CDH18: variants seen among roughly 807,000 people sequenced by gnomAD.
CDH18 encodes the protein cadherin 18.
In CDH18, 31 loss-of-function variants were observed where a neutral mutation model predicts 67.9. The observed-to-expected ratio is 0.46, with a 90% CI of 0.34 to 0.62. CDH18 has a LOEUF of 0.62. Ranked by LOEUF, CDH18 falls within the 20% of genes least tolerant of loss-of-function variation. The pLI is 0.01. For synonymous variants in CDH18, 362 were observed against 347.2 expected (o/e 1.04, Z -0.48); for missense variants, 890 against 975.5 (o/e 0.91, Z 1.17).
At chr5:19,910,621 A>T (rs887781636) in intron 2 of CDH18, among the ~76,000 whole-genome samples, 4 of 152,170 alleles carry the variant, frequency 2.6e-5, no homozygotes, top group African/African-American at 7.2e-5. Context: ...GAAACAAAAT[A>T]AGTACTCTAA....
chr5:19,761,650 A>C (rs1440008254), intron 3 of CDH18, among the ~76,000 whole-genome samples: 3 of 152,218 alleles, frequency 2.0e-5, no homozygotes, highest in Non-Finnish European at 4.4e-5. Context: ...CAATGTCATG[A>C]AAATGGTCAT....
rs1746751008 is a variant in CDH18, at chr5:19,520,670, G to T, written c.1499C>A (p.Ser500Tyr). Reference sequence around the variant, plus strand: ...CAATTAACTTACCTGGCCAGGCTTAGAATTTTCACATACAATAATATCATA... The same window carrying T: ...CAATTAACTTACCTGGCCAGGCTTATAATTTTCACATACAATAATATCATA... ...REYDIIVCEN[S>Y]KPGQVIHTIS... Residue 500 changes from serine to tyrosine, a missense_variant, in exon 10 of 13, where the codon TCT becomes TAT. Ser to Tyr is a moderately radical substitution (Grantham distance 144). Around this residue, in one of 2 missense-constraint regions of CDH18, gnomAD observed 656 missense variants for 668.1 expected, o/e 0.98. Coordinates refer to ENST00000382275, the MANE Select transcript of CDH18 (RefSeq NM_004934.5). The T allele has an allele frequency of 6.2e-7, 1 of 1,611,628 alleles. No individual in the cohort carries two copies. The highest frequency in any genetic ancestry group is 1.7e-5 in the Admixed American group (1 of 59,582).
rs1050796677 is a variant in CDH18, at chr5:20,379,311, T to C, written c.-579-123806A>G. 2.5e-4 allele frequency among the ~76,000 whole-genome samples: 38 copies of C among 152,304 alleles called. No individual in the cohort carries two copies. The East Asian group carries it at 5.4e-3, about 22-fold the overall frequency. On this transcript the variant is annotated intron_variant, in intron 1 of 14. Transcript: ENST00000507958. ...ATAAACATAGCCCTTACTTATTGCA[T>C]AATAGAAGATATGTTGTAGAGCCAT...
intron 2 of CDH18, among the ~76,000 whole-genome samples, chr5:20,008,814 C>A (rs1737155307): frequency 6.6e-6 from 1 of 152,032 alleles, no homozygotes; most frequent in South Asian, 2.1e-4. Context: ...ATGTCTAGAG[C>A]AATTTGCCAG....
chr5:19,788,298 A>G (rs980280069), intron 3 of CDH18, among the ~76,000 whole-genome samples: 13 of 152,232 alleles, frequency 8.5e-5, no homozygotes, highest in African/African-American at 2.9e-4. Context: ...TGAAACAAAA[A>G]AAGAGAATTC....
At chr5:20,033,350 T>C (rs949065742) in intron 2 of CDH18, among the ~76,000 whole-genome samples, 1 of 152,044 alleles carries the variant, frequency 6.6e-6, no homozygotes, top group Non-Finnish European at 1.5e-5. Flanking sequence ...ATGACCCTTA[T>C]CAAACAGCCT....
chr5:19,552,926 T>A (rs402154), intron 8 of CDH18, among the ~76,000 whole-genome samples: 8,724 of 151,372 alleles, frequency 0.058, 266 homozygotes, highest in African/African-American at 0.077. Flanking sequence ...TACCATTTCA[T>A]ATCTCTAGTA....
At chr5:19,738,299 A>AT (rs774807216) in intron 4 of CDH18, among the ~76,000 whole-genome samples, 2 of 152,130 alleles carry the variant, frequency 1.3e-5, no homozygotes, top group Non-Finnish European at 2.9e-5. Flanking sequence ...ATTGTAGTAA[A>AT]TATTTTGCTG....
intron 5 of CDH18, among the ~76,000 whole-genome samples, chr5:19,649,286 A>G (rs1755231450): frequency 6.6e-6 from 1 of 152,140 alleles, no homozygotes; most frequent in Non-Finnish European, 1.5e-5. Flanking sequence ...GAACTAGTCT[A>G]ACATGAGATG....
At chr5:20,279,391 A>G (rs2126691608) in intron 1 of CDH18, among the ~76,000 whole-genome samples, 1 of 152,184 alleles carries the variant, frequency 6.6e-6, no homozygotes, top group Admixed American at 6.5e-5. Context: ...TGGAGTACAC[A>G]GATATATAAA....
chr5:19,564,856 C>T (rs1056549369), intron 8 of CDH18, among the ~76,000 whole-genome samples: 2 of 151,400 alleles, frequency 1.3e-5, no homozygotes, highest in African/African-American at 4.9e-5. Flanking sequence ...AGACTCAGTC[C>T]AGGCAGTGTT....
rs1737926152 is a variant in CDH18 at position 19,473,592 on chromosome 5, C to T, written c.2007G>A (p.Glu669=). The stretch of plus-strand genomic sequence containing the variant: ...TCCTCAAGGCTGTGATGTCAAAGGC[C>T]TCTGTGTCTTCCTCTCCGCCTCCTT... ...DDEGGGEEDT[E]AFDITALRNP... Residue 669 remains glutamate, a synonymous_variant, in exon 13 of 13, where the codon GAG becomes GAA. Coordinates refer to ENST00000382275, the MANE Select transcript of CDH18 (RefSeq NM_004934.5). 3 of 1,613,744 alleles carry T rather than the reference C, an allele frequency of 1.9e-6. No homozygotes were observed. The highest frequency in any genetic ancestry group is 3.3e-5 in the Admixed American group (2 of 59,958).
chr5:20,271,924 C>CAGAGAGAG (rs201955881), intron 1 of CDH18, among the ~76,000 whole-genome samples: 3,686 of 146,584 alleles, frequency 0.025, 61 homozygotes, highest in Middle Eastern at 0.059. Context: ...TGTAGAGAGG[C>CAGAGAGAG]AGAGAGAGAG....
intron 3 of CDH18, among the ~76,000 whole-genome samples, chr5:19,785,139 T>C (rs990483656): frequency 6.6e-6 from 1 of 152,192 alleles, no homozygotes; most frequent in African/African-American, 2.4e-5. Context: ...GTCACTCATA[T>C]TGGCTGAACG....
intron 2 of CDH18, among the ~76,000 whole-genome samples, chr5:19,944,715 C>T (rs929448053): frequency 6.6e-6 from 1 of 152,094 alleles, no homozygotes; most frequent in African/African-American, 2.4e-5. Flanking sequence ...ATATGTATTA[C>T]ACATGCCCAG....
intron 1 of CDH18, among the ~76,000 whole-genome samples, chr5:20,506,910 C>T (rs1202822225): frequency 6.6e-6 from 1 of 152,148 alleles, no homozygotes; most frequent in Non-Finnish European, 1.5e-5. Flanking sequence ...AAAGTAATAG[C>T]ATGTCACTGA....
intron 2 of CDH18, among the ~76,000 whole-genome samples, chr5:20,078,872 T>C (rs1203704336): frequency 2.0e-5 from 3 of 152,172 alleles, no homozygotes; most frequent in Non-Finnish European, 4.4e-5. Flanking sequence ...CGCCTCGGCC[T>C]CCCAAAGTGC....
intron 5 of CDH18, among the ~76,000 whole-genome samples, chr5:19,703,742 T>C (rs1220868629): frequency 7.7e-6 from 1 of 130,418 alleles, no homozygotes; most frequent in East Asian, 2.4e-4. Flanking sequence ...CCCCCGCCGA[T>C]CAACAGGGAA....
In CDH18 at chr5:19,485,487, C is replaced by T. The variant is rs960571620; in HGVS notation, c.1631-1935G>A. 8.5e-5 allele frequency among the ~76,000 whole-genome samples: 13 copies of T among 152,084 alleles called. No individual in the cohort carries two copies. In the South Asian group the frequency reaches 1.0e-3, roughly 12 times the overall value. ...AGCCAGGATGGTCTCGATCTCCTGA[C>T]CTCACGATCCACCCGCCTCGGCCTC... On this transcript the variant is annotated intron_variant, in intron 11 of 12. Coordinates refer to ENST00000382275, the MANE Select transcript of CDH18 (RefSeq NM_004934.5).
Sources: allele counts gnomAD v4.1 joint callset (sites outside exome capture counted in the v4.1 genomes callset), GRCh38; gene constraint gnomAD v4.1.1; regional missense constraint gnomAD v4.1.1; transcripts MANE v1.5; gene names NCBI Gene and HGNC (gene_info 2026-07-23, HGNC 2026-07-21).